TRPC5: variants seen among roughly 807,000 people sequenced by gnomAD.
TRPC5 encodes the protein short transient receptor potential channel 5.
Under a neutral mutation model 56.5 loss-of-function variants are expected in TRPC5, and 9 were observed. The observed-to-expected ratio is 0.16, with a 90% CI of 0.10 to 0.28. TRPC5 has a LOEUF of 0.28. TRPC5 is among the 10% of genes least tolerant of loss of function. TRPC5 has a pLI of 1.00. For missense variants in TRPC5, 469 were observed against 748.9 expected, an observed-to-expected ratio of 0.63 and a Z score of 4.36; for synonymous variants, 282 against 278.5, an observed-to-expected ratio of 1.01 and a Z score of -0.13.
intron 1 of TRPC5, among the ~76,000 whole-genome samples, chrX:112,027,486 A>G (rs1398884068): frequency 9.0e-6 from 1 of 111,463 alleles, no homozygotes; most frequent in African/African-American, 3.3e-5. Context: ...GAGTACATCA[A>G]AGTTATTTCT....
chrX:111,856,021 G>A (rs1923216584), intron 3 of TRPC5, among the ~76,000 whole-genome samples: 1 of 111,910 alleles, frequency 8.9e-6, no homozygotes, highest in Non-Finnish European at 1.9e-5. Context: ...ATGTGCAACA[G>A]TTGGCTAGGT....
At chrX:111,940,086 A>T (rs1926725391) in intron 2 of TRPC5, among the ~76,000 whole-genome samples, 1 of 110,762 alleles carries the variant, frequency 9.0e-6, no homozygotes, top group Admixed American at 9.6e-5. Flanking sequence ...TTTTGTTTCC[A>T]TTTTCATTTC....
At position 111,950,121 on chromosome X, in the gene TRPC5, A is replaced by G. The variant is rs140791972; in HGVS notation, c.378+1922T>C. ...GGGCAGATCACGAGGTCAGGAGATC[A>G]AGAACATCCTGGCTAACACAGTGAA... On this transcript the variant is annotated intron_variant, in intron 2 of 10. Transcript: ENST00000262839. 3.0e-3 allele frequency among the ~76,000 whole-genome samples: 338 copies of G among 111,311 alleles called. 1 individual carries two copies. The highest frequency in any genetic ancestry group is 6.1e-3 in the South Asian group (16 of 2,631).
At chrX:112,013,897 A>G (rs1295898484) in intron 1 of TRPC5, among the ~76,000 whole-genome samples, 1 of 111,988 alleles carries the variant, frequency 8.9e-6, no homozygotes, top group East Asian at 2.8e-4. Flanking sequence ...GGGTATAGAT[A>G]GGCAGGATCC....
At chrX:111,981,971 T>C (rs1485616563) in intron 1 of TRPC5, among the ~76,000 whole-genome samples, 1 of 111,564 alleles carries the variant, frequency 9.0e-6, no homozygotes, top group Non-Finnish European at 1.9e-5. Context: ...CCCATGATGT[T>C]CTCATGATAG....
chrX:112,047,008 G>C (rs16986757), intron 1 of TRPC5, among the ~76,000 whole-genome samples: 19,268 of 111,166 alleles, frequency 0.17, 1,665 homozygotes, highest in African/African-American at 0.33. Flanking sequence ...CCCACTTTGA[G>C]AAGGAATCGC....
rs191061411 is a variant in TRPC5, at chrX:111,775,829, G to C, written c.*484C>G. 3.4e-4 allele frequency: 39 copies of C among 114,426 alleles called. No individual in the cohort carries two copies. The highest frequency in any genetic ancestry group is 6.8e-4 in the Non-Finnish European group (37 of 54,745). The allele number at this position is 114,426 out of a possible 1,213,427, so 9.4% of individuals were successfully genotyped here. A position where few individuals can be genotyped will look rare whatever the true frequency, so the allele number is the denominator to read the frequency against. ...TTCATTGACCCAGCATGGGCAGCGC[G>C]TAGCACTGAATGGCAACAAAGATGG... is the stretch of plus-strand genomic sequence containing the variant. On this transcript the variant is annotated 3_prime_UTR_variant, in exon 11 of 11. Coordinates refer to ENST00000262839, the MANE Select transcript of TRPC5 (RefSeq NM_012471.3).
In TRPC5 at chrX:111,834,720, A is replaced by G. The variant is rs190239614; in HGVS notation, c.1896+201T>C. Among the ~76,000 whole-genome samples the G allele has an allele frequency of 1.4e-3, 161 of 112,350 alleles. 1 individual carries two copies. Among genetic ancestry groups the G allele is most frequent in the African/African-American group, 4.7e-3 (147 of 30,975 alleles). On this transcript the variant is annotated intron_variant, in intron 7 of 10. Coordinates refer to ENST00000262839, the MANE Select transcript of TRPC5 (RefSeq NM_012471.3). ...CTAGAAAATCTTATTCACTCGAATA[A>G]CTTAGATGATGAAGAGTCTATAGAC...
At chrX:111,807,996 G>C (rs923767045) in intron 7 of TRPC5, among the ~76,000 whole-genome samples, 17 of 107,941 alleles carry the variant, frequency 1.6e-4, no homozygotes, top group Non-Finnish European at 3.3e-4. Context: ...GTGTGTGCAC[G>C]CGCTGAGCTG....
chrX:112,025,262 G>A (rs1929384691), intron 1 of TRPC5, among the ~76,000 whole-genome samples: 1 of 111,758 alleles, frequency 8.9e-6, no homozygotes, highest in Non-Finnish European at 1.9e-5. Context: ...ATAAAATTTG[G>A]TATTTTATCT....
chrX:111,901,662 C>G (rs1925351665), intron 3 of TRPC5: 3 of 347,073 alleles, frequency 8.6e-6, no homozygotes, highest in Non-Finnish European at 1.5e-5. Flanking sequence ...CCAACATCAT[C>G]AAAAAGTTAT....
intron 1 of TRPC5, among the ~76,000 whole-genome samples, chrX:111,995,673 T>TC (rs1928506495): frequency 8.9e-6 from 1 of 111,813 alleles, no homozygotes; most frequent in Non-Finnish European, 1.9e-5. Flanking sequence ...GAGATTCAAC[T>TC]TCTTCCTAGT....
chrX:111,951,837 G>A, intron 2 of TRPC5, among the ~76,000 whole-genome samples: 1 of 111,598 alleles, frequency 9.0e-6, no homozygotes, highest in East Asian at 2.8e-4. Context: ...ATGTATATGG[G>A]CAAACACTAA....
At chrX:111,832,174 C>T (rs1259112896) in intron 7 of TRPC5, among the ~76,000 whole-genome samples, 1 of 112,000 alleles carries the variant, frequency 8.9e-6, no homozygotes, top group Non-Finnish European at 1.9e-5. Flanking sequence ...AAGAATAACT[C>T]TATACACTAC....
At chrX:111,792,542 G>A (rs969488023) in intron 7 of TRPC5, among the ~76,000 whole-genome samples, 2 of 111,925 alleles carry the variant, frequency 1.8e-5, no homozygotes, top group African/African-American at 6.5e-5. Flanking sequence ...ATATAATGCT[G>A]TATCCCCAAG....
intron 7 of TRPC5, among the ~76,000 whole-genome samples, chrX:111,792,100 A>C (rs1339917130): frequency 8.9e-6 from 1 of 112,386 alleles, no homozygotes; most frequent in Non-Finnish European, 1.9e-5. Flanking sequence ...AATGTGGCAC[A>C]TATACACCAT....
chrX:112,042,869 C>T (rs1399257633), intron 1 of TRPC5, among the ~76,000 whole-genome samples: 2 of 110,552 alleles, frequency 1.8e-5, no homozygotes, highest in Admixed American at 9.6e-5. Flanking sequence ...ACCTTCAATC[C>T]TACCAGGTTC....
intron 3 of TRPC5, among the ~76,000 whole-genome samples, chrX:111,905,471 G>T (rs1925559716): frequency 8.9e-6 from 1 of 112,004 alleles, no homozygotes; most frequent in African/African-American, 3.2e-5. Context: ...AAAACTGTCA[G>T]TTTCCAATAT....
intron 1 of TRPC5, among the ~76,000 whole-genome samples, chrX:112,072,903 A>T (rs769092146): frequency 4.5e-5 from 5 of 112,079 alleles, no homozygotes; most frequent in Non-Finnish European, 9.4e-5. Context: ...TTATTTTTCC[A>T]AATGTCACTC....
Sources: gnomAD v4.1 joint callset for allele counts (sites outside exome capture counted in the v4.1 genomes callset) on GRCh38, gnomAD v4.1.1 for gene constraint, MANE v1.5 for transcripts, NCBI Gene and HGNC (gene_info 2026-07-23, HGNC 2026-07-21) for gene names.